INPP5B: variants seen among roughly 807,000 people sequenced by gnomAD.
INPP5B encodes the protein inositol polyphosphate-5-phosphatase B, also known as type II inositol 1,4,5-trisphosphate 5-phosphatase.
Under a neutral mutation model 118.5 loss-of-function variants are expected in INPP5B, and 90 were observed. The ratio of observed to expected loss-of-function variants is 0.76; its 90% CI spans 0.64 to 0.90. The LOEUF (loss-of-function observed/expected upper bound fraction) is 0.90. Ranked by LOEUF, INPP5B falls within the 40% of genes least tolerant of loss-of-function variation. The pLI is 0.00. For missense variants in INPP5B, 984 were observed against 1,125.6 expected (o/e 0.87, Z 1.80); for synonymous variants, 385 against 418.9 (o/e 0.92, Z 0.99).
chr1:37,933,708 A>T (rs985587905), intron 6 of INPP5B, among the ~76,000 whole-genome samples: 38 of 146,962 alleles, frequency 2.6e-4, no homozygotes, highest in African/African-American at 8.8e-4. Flanking sequence ...TGACAGAGCT[A>T]GACTCTGTCT....
chr1:37,876,552 T>TTAAAA (rs1194597284), intron 16 of INPP5B, among the ~76,000 whole-genome samples: 1 of 54,592 alleles, frequency 1.8e-5, no homozygotes, highest in South Asian at 1.0e-3. Context: ...GCTGTCTCTT[T>TTAAAA]AAAAAAAAAA....
rs117156954 is a variant in INPP5B, at chr1:37,922,431, G to A, written c.532+9482C>T. Reference sequence around the variant, plus strand: ...GGCTCCGTTTCAAAAAATGAAATAAGCCAGGCGCGGTGGCTCACACCTGTA... The same window carrying A: ...GGCTCCGTTTCAAAAAATGAAATAAACCAGGCGCGGTGGCTCACACCTGTA... On this transcript the variant is annotated intron_variant, in intron 7 of 23. Transcript: ENST00000373024. Among the ~76,000 whole-genome samples, 926 of 151,638 alleles carry A rather than the reference G, an allele frequency of 6.1e-3. 7 individuals are homozygous for A. Among genetic ancestry groups the A allele is most frequent in the Middle Eastern group, 0.034 (10 of 292 alleles).
intron 20 of INPP5B, 104 bp from the exon 21 acceptor site, chr1:37,866,647 G>T: frequency 1.4e-6 from 1 of 718,790 alleles, no homozygotes. Context: ...GGAGCAGTGT[G>T]GTGAGGCCTC....
At chr1:37,889,791 G>T in intron 8 of INPP5B, 67 bp from the exon 9 acceptor site, 2 of 1,262,146 alleles carry the variant, frequency 1.6e-6, no homozygotes, top group Non-Finnish European at 1.1e-6. Context: ...TGAATACAAA[G>T]CTAAAAGTTC....
chr1:37,894,314 C>T (rs1311274918), intron 7 of INPP5B, among the ~76,000 whole-genome samples: 4 of 152,064 alleles, frequency 2.6e-5, no homozygotes, highest in Non-Finnish European at 5.9e-5. Flanking sequence ...GGTTAGATGC[C>T]CTGACATTGG....
chr1:37,945,978 T>C (rs1646097394), intron 2 of INPP5B, 128 bp from the exon 3 acceptor site: 2 of 806,384 alleles, frequency 2.5e-6, no homozygotes, highest in Admixed American at 2.6e-5. Context: ...ACTCAAACCA[T>C]GTGCTGAACT....
rs369869308 is a variant in INPP5B at position 37,927,637 on chromosome 1, C to T, written c.532+4276G>A. On this transcript the variant is annotated intron_variant, in intron 7 of 23. Transcript: ENST00000373024. ...CTGCAAGCTCTGCCTCCCAAGTTCACGCCATTCTCCTGCCTCAGCCTCCCG... is the reference window on the plus strand; with the variant it reads ...CTGCAAGCTCTGCCTCCCAAGTTCATGCCATTCTCCTGCCTCAGCCTCCCG... Among the ~76,000 whole-genome samples the T allele has an allele frequency of 4.7e-4, 71 of 151,564 alleles. No individual in the cohort carries two copies. The East Asian group carries it at 0.011, about 23-fold the overall frequency.
chr1:37,865,836 A>C lies in INPP5B; in HGVS notation c.2439T>G (p.Leu813=), dbSNP rs910591046. Residue 813 remains leucine (L), a synonymous_variant, in exon 22 of 24, where the codon CTT becomes CTG. Transcript: ENST00000373024. The part of the protein sequence containing the change: ...AEALLLFLES[L]PEPVICYSTY... ...TGCTGTAACAGATGACAGGCTCTGG[A>C]AGGCTCTCCAGGAAAAGCAGCAGGG... The C allele has an allele frequency of 4.3e-6, 7 of 1,613,610 alleles. No homozygotes were observed. In the African/African-American group the frequency reaches 9.3e-5, roughly 22 times the overall value.
Position 37,921,907 on chromosome 1 carries a change from C to A in INPP5B, c.532+10006G>T, listed in dbSNP as rs1001721113. ...CTGTAACGGGCTTGCTGGCGAGCGC[C>A]TGTAATCCCAGCTACTCAGGAGGTT... On this transcript the variant is annotated intron_variant, in intron 7 of 23. Coordinates refer to ENST00000373024, the MANE Select transcript of INPP5B (RefSeq NM_005540.3). Among the ~76,000 whole-genome samples, 3 of 152,290 alleles carry A rather than the reference C, an allele frequency of 2.0e-5. No individual in the cohort carries two copies. The East Asian group carries it at 5.8e-4, about 29-fold the overall frequency.
chr1:37,940,012 A>C (rs1645855860), intron 6 of INPP5B, among the ~76,000 whole-genome samples: 1 of 152,294 alleles, frequency 6.6e-6, no homozygotes. Context: ...CTCAGGCTCC[A>C]CAGCAAGACC....
intron 20 of INPP5B, 54 bp downstream of exon 20, chr1:37,868,447 G>A: frequency 1.7e-6 from 2 of 1,171,182 alleles, no homozygotes; most frequent in South Asian, 2.5e-5. Flanking sequence ...TGGGGCTGAT[G>A]GTCCTCAAGG....
intron 7 of INPP5B, among the ~76,000 whole-genome samples, chr1:37,902,127 C>T (rs1644355019): frequency 1.3e-5 from 2 of 151,840 alleles, no homozygotes; most frequent in Non-Finnish European, 2.9e-5. Context: ...GCTGGGATCA[C>T]AGGCATGCAC....
At chr1:37,886,627 C>T (rs1416957429) in intron 12 of INPP5B, among the ~76,000 whole-genome samples, 1 of 152,236 alleles carries the variant, frequency 6.6e-6, no homozygotes, top group Non-Finnish European at 1.5e-5. Context: ...CAACATACTT[C>T]ATGGGTGAAA....
intron 7 of INPP5B, among the ~76,000 whole-genome samples, chr1:37,901,101 C>T (rs914307721): frequency 3.9e-5 from 6 of 152,216 alleles, no homozygotes; most frequent in Admixed American, 6.5e-5. Context: ...TGAGCCACCA[C>T]GCCCGACCTG....
intron 7 of INPP5B, among the ~76,000 whole-genome samples, chr1:37,901,042 C>A (rs1353376795): frequency 6.6e-6 from 1 of 152,156 alleles, no homozygotes; most frequent in Non-Finnish European, 1.5e-5. Flanking sequence ...GAACTCCTGA[C>A]TTGGTGATCC....
Position 37,944,142 on chromosome 1 carries a change from A to G in INPP5B, c.153-249T>C, listed in dbSNP as rs776244971. On this transcript the variant is annotated intron_variant, in intron 3 of 23. Coordinates refer to ENST00000373024, the MANE Select transcript of INPP5B (RefSeq NM_005540.3). Reference sequence around the variant, plus strand: ...CCCTGATTGTTAGTAAAACACAAACACATGTTTGATCTAACCATGGTGCAT... The same window carrying G: ...CCCTGATTGTTAGTAAAACACAAACGCATGTTTGATCTAACCATGGTGCAT... 2.8e-4 allele frequency among the ~76,000 whole-genome samples: 43 copies of G among 152,274 alleles called. No individual in the cohort carries two copies. In the Middle Eastern group the frequency reaches 0.01, roughly 36 times the overall value.
chr1:37,866,605 G>T, intron 20 of INPP5B, 62 bp from the exon 21 acceptor site: 1 of 1,014,424 alleles, frequency 9.9e-7, no homozygotes. Flanking sequence ...ATGATTTCCT[G>T]ACCTGGCAAT....
At chr1:37,937,771 A>G (rs1053055126) in intron 6 of INPP5B, among the ~76,000 whole-genome samples, 9 of 151,058 alleles carry the variant, frequency 6.0e-5, no homozygotes, top group Non-Finnish European at 1.2e-4. Flanking sequence ...TGTCTCAAAA[A>G]ATAAAATAAA....
intron 13 of INPP5B, 35 bp downstream of exon 13, chr1:37,885,603 A>T: frequency 3.1e-6 from 5 of 1,597,148 alleles, no homozygotes; most frequent in Non-Finnish European, 4.3e-6. Context: ...CTATGTACTC[A>T]TGGTGAACCG....
Sources: gnomAD v4.1 joint callset for allele counts (sites outside exome capture counted in the v4.1 genomes callset) on GRCh38, gnomAD v4.1.1 for gene constraint, MANE v1.5 for transcripts, NCBI Gene and HGNC (gene_info 2026-07-23, HGNC 2026-07-21) for gene names.